Variants in ZNF804A observed in about 807,000 individuals in gnomAD.
The protein encoded by ZNF804A is zinc finger protein 804A.
In ZNF804A, 2 loss-of-function variants were observed where a neutral mutation model predicts 16.5. The ratio of observed to expected loss-of-function variants is 0.12; its 90% CI spans 0.05 to 0.38. The LOEUF (loss-of-function observed/expected upper bound fraction) is 0.38, where lower values mean the gene tolerates loss of function less well. Ranked by LOEUF, ZNF804A falls within the 10% of genes least tolerant of loss-of-function variation. ZNF804A has a pLI of 0.99. For synonymous variants in ZNF804A, 534 were observed against 489.6 expected, an observed-to-expected ratio of 1.09 and a Z score of -1.20; for missense variants, 1,473 against 1,390.7, an observed-to-expected ratio of 1.06 and a Z score of -0.94.
At chr2:184,818,490 C>T (rs1695019034) in intron 1 of ZNF804A, among the ~76,000 whole-genome samples, 1 of 151,988 alleles carries the variant, frequency 6.6e-6, no homozygotes. Context: ...TATGAAGCAA[C>T]CACATAAACA....
chr2:184,849,024 C>A (rs917202833), intron 1 of ZNF804A, among the ~76,000 whole-genome samples: 8 of 151,890 alleles, frequency 5.3e-5, no homozygotes, highest in African/African-American at 1.5e-4. Flanking sequence ...AAAAGGAAAA[C>A]AAATATACTG....
intron 1 of ZNF804A, among the ~76,000 whole-genome samples, chr2:184,826,857 A>G (rs951446016): frequency 1.3e-5 from 2 of 152,100 alleles, no homozygotes; most frequent in Non-Finnish European, 2.9e-5. Context: ...AAAATGACAA[A>G]CGGCATGACC....
chr2:184,769,010 A>G (rs1694171131), intron 1 of ZNF804A, among the ~76,000 whole-genome samples: 1 of 152,044 alleles, frequency 6.6e-6, no homozygotes, highest in Non-Finnish European at 1.5e-5. Flanking sequence ...TCTATGTTTG[A>G]TGTATCAGAT....
intron 1 of ZNF804A, among the ~76,000 whole-genome samples, chr2:184,621,475 T>G (rs1361915259): frequency 6.6e-6 from 1 of 151,770 alleles, no homozygotes; most frequent in Non-Finnish European, 1.5e-5. Flanking sequence ...GCCGTATTGT[T>G]CCTGGATAAT....
At chr2:184,714,016 A>G (rs574105612) in intron 1 of ZNF804A, among the ~76,000 whole-genome samples, 1 of 152,156 alleles carries the variant, frequency 6.6e-6, no homozygotes, top group Non-Finnish European at 1.5e-5. Flanking sequence ...AAACACCGGT[A>G]CAGAGAATAA....
chr2:184,885,186 A>T (rs1012000296), intron 2 of ZNF804A, among the ~76,000 whole-genome samples: 1 of 152,148 alleles, frequency 6.6e-6, no homozygotes, highest in Non-Finnish European at 1.5e-5. Context: ...AATCAAAAAA[A>T]CGACAGGCTC....
intron 1 of ZNF804A, among the ~76,000 whole-genome samples, chr2:184,704,156 T>C (rs752610417): frequency 3.0e-4 from 10 of 33,240 alleles, no homozygotes; most frequent in Non-Finnish European, 1.0e-3. Flanking sequence ...TCAGGAAATC[T>C]TTTTTTTTTT....
intron 1 of ZNF804A, among the ~76,000 whole-genome samples, chr2:184,735,375 A>G (rs1693590646): frequency 6.6e-6 from 1 of 152,106 alleles, no homozygotes; most frequent in African/African-American, 2.4e-5. Flanking sequence ...TCTCACTCAT[A>G]AGTGGGAGTT....
At chr2:184,827,134 A>G (rs1463008056) in intron 1 of ZNF804A, among the ~76,000 whole-genome samples, 1 of 151,808 alleles carries the variant, frequency 6.6e-6, no homozygotes, top group Non-Finnish European at 1.5e-5. Context: ...AACATTATTC[A>G]ACCTGAAAAT....
intron 2 of ZNF804A, among the ~76,000 whole-genome samples, chr2:184,907,579 T>C (rs552077045): frequency 1.3e-5 from 2 of 152,196 alleles, no homozygotes; most frequent in South Asian, 2.1e-4. Context: ...ACCCTGGAAA[T>C]TGACAAATCA....
intron 1 of ZNF804A, among the ~76,000 whole-genome samples, chr2:184,825,687 T>C (rs1695154105): frequency 6.6e-6 from 1 of 152,060 alleles, no homozygotes; most frequent in African/African-American, 2.4e-5. Flanking sequence ...CTAGGGAATG[T>C]TCAAACATAC....
chr2:184,753,703 A>G (rs771774386), intron 1 of ZNF804A, among the ~76,000 whole-genome samples: 13 of 151,804 alleles, frequency 8.6e-5, no homozygotes, highest in Non-Finnish European at 1.8e-4. Context: ...TTCTAAATCC[A>G]ATTTAGTAAT....
chr2:184,794,065 C>T (rs1479315216), intron 1 of ZNF804A, among the ~76,000 whole-genome samples: 1 of 151,964 alleles, frequency 6.6e-6, no homozygotes, highest in Non-Finnish European at 1.5e-5. Flanking sequence ...ATAATTACTT[C>T]TTTTCCTCTG....
intron 1 of ZNF804A, among the ~76,000 whole-genome samples, chr2:184,806,171 CA>C (rs1254519498): frequency 6.6e-6 from 1 of 151,922 alleles, no homozygotes; most frequent in Admixed American, 6.6e-5. Context: ...AATAAGTAGG[CA>C]ACCTCTGACA....
In ZNF804A at chr2:184,938,242, A is replaced by C. The variant is rs1223676079; in HGVS notation, c.2846A>C (p.Gln949Pro). The C allele has an allele frequency of 2.5e-6, 4 of 1,613,994 alleles. No homozygotes were observed. Among genetic ancestry groups the C allele is most frequent in the Non-Finnish European group, 8.5e-7 (1 of 1,180,022 alleles). ...GAGAATATAAATCTTAATGAAAAGC[A>C]AATTCCTTTTCAGGTGCCTAATATT... is the stretch of plus-strand genomic sequence containing the variant. The part of the protein sequence containing the change: ...RSENINLNEK[Q>P]IPFQVPNIER... Residue 949 changes from glutamine (Q) to proline (P), a missense_variant, in exon 4 of 4, where the codon CAA becomes CCA. Transcript: ENST00000302277.
intron 1 of ZNF804A, among the ~76,000 whole-genome samples, chr2:184,853,182 G>C (rs1196693887): frequency 2.6e-5 from 4 of 151,620 alleles, no homozygotes; most frequent in Non-Finnish European, 4.4e-5. Context: ...CATTATTTTT[G>C]TACTTATTTT....
chr2:184,737,181 T>C (rs537095385), intron 1 of ZNF804A, among the ~76,000 whole-genome samples: 46 of 151,876 alleles, frequency 3.0e-4, no homozygotes, highest in Admixed American at 3.0e-3. Context: ...CTCAGCCTCC[T>C]GAGTAGCTGG....
At chr2:184,933,866 C>T in intron 3 of ZNF804A, 133 bp downstream of exon 3, 1 of 838,926 alleles carries the variant, frequency 1.2e-6, no homozygotes, top group Non-Finnish European at 1.7e-6. Context: ...TCATGGCCTT[C>T]TGTAGGCTGT....
intron 2 of ZNF804A, among the ~76,000 whole-genome samples, chr2:184,875,849 T>A (rs1411457734): frequency 6.6e-6 from 1 of 151,758 alleles, no homozygotes; most frequent in African/African-American, 2.4e-5. Context: ...GCCCTTAAAG[T>A]AAAGCCACAG....
Sources: gnomAD v4.1 joint callset for allele counts (sites outside exome capture counted in the v4.1 genomes callset) on GRCh38, gnomAD v4.1.1 for gene constraint, MANE v1.5 for transcripts, NCBI Gene and HGNC (gene_info 2026-07-23, HGNC 2026-07-21) for gene names.